The following ARAP2 variants were observed in gnomAD, a reference collection of about 807,000 sequenced individuals.
ARAP2 encodes the protein arf-GAP with Rho-GAP domain, ANK repeat and PH domain-containing protein 2.
Under a neutral mutation model 194.5 loss-of-function variants are expected in ARAP2, and 148 were observed. The observed-to-expected ratio is 0.76, with a 90% CI of 0.67 to 0.87. ARAP2 has a LOEUF of 0.87. Ranked by LOEUF, ARAP2 falls within the 40% of genes least tolerant of loss-of-function variation. ARAP2 has a pLI of 0.00. For synonymous variants in ARAP2, 695 were observed against 683.5 expected (o/e 1.02, Z -0.26); for missense variants, 2,128 against 1,989.7 (o/e 1.07, Z -1.32).
chr4:36,168,739 C>T (rs1319570843), intron 9 of ARAP2, among the ~76,000 whole-genome samples: 1 of 151,970 alleles, frequency 6.6e-6, no homozygotes, highest in Admixed American at 6.6e-5. Context: ...GAGAAACTAG[C>T]CAGAAACTGA....
chr4:36,196,869 T>C (rs992475255), intron 6 of ARAP2, among the ~76,000 whole-genome samples: 11 of 151,620 alleles, frequency 7.3e-5, no homozygotes, highest in African/African-American at 2.7e-4. Flanking sequence ...CCATTGTCTC[T>C]GCTTGGAATG....
At chr4:36,102,220 G>A (rs115823298) in intron 27 of ARAP2, among the ~76,000 whole-genome samples, 1,993 of 151,998 alleles carry the variant, frequency 0.013, 49 homozygotes, top group African/African-American at 0.043. Flanking sequence ...AGCTCAGCAC[G>A]TCCAAAACTG....
intron 11 of ARAP2, among the ~76,000 whole-genome samples, chr4:36,163,531 G>GA (rs201050975): frequency 0.011 from 1,604 of 152,024 alleles, 36 homozygotes; most frequent in African/African-American, 0.037. Context: ...TTAAAGGAAT[G>GA]AAAAAAAACC....
At chr4:36,158,662 A>C (rs1733160112) in intron 15 of ARAP2, 68 bp downstream of exon 15, 1 of 1,351,422 alleles carries the variant, frequency 7.4e-7, no homozygotes, top group Non-Finnish European at 1.0e-6. Context: ...TCAAAATCTA[A>C]ACCTAATTGT....
chr4:36,082,813 CA>C (rs1729876199), intron 29 of ARAP2, among the ~76,000 whole-genome samples: 1 of 152,116 alleles, frequency 6.6e-6, no homozygotes, highest in African/African-American at 2.4e-5. Flanking sequence ...TGGTGTAAAT[CA>C]AATGCTGGGG....
chr4:36,010,218 T>C (rs1279036018), intron 9 of ARAP2, among the ~76,000 whole-genome samples: 1 of 151,238 alleles, frequency 6.6e-6, no homozygotes, highest in African/African-American at 2.4e-5. Flanking sequence ...TTTTATATAT[T>C]GTATATGATA....
At position 36,160,658 on chromosome 4, in the gene ARAP2, A is replaced by AC; in HGVS notation, c.2260-18_2260-17insG. Reference sequence around the variant, plus strand: ...AATAAAAAGCTGAATTGTCAAAAAAAAAACCCCATAATATATCAGTTCATA... The same window carrying AC: ...AATAAAAAGCTGAATTGTCAAAAAAACAAACCCCATAATATATCAGTTCATA... On this transcript the variant is annotated splice_polypyrimidine_tract_variant and intron_variant, in intron 12 of 32. Coordinates refer to ENST00000303965, the MANE Select transcript of ARAP2 (RefSeq NM_015230.4). 10 of 1,441,030 alleles carry AC rather than the reference A, an allele frequency of 6.9e-6. No homozygotes were observed. Among genetic ancestry groups the AC allele is most frequent in the Non-Finnish European group, 9.1e-6 (10 of 1,100,954 alleles). The allele number at this position is 1,441,030 out of a possible 1,614,324, so 89.3% of individuals were successfully genotyped here. A position where few individuals can be genotyped will look rare whatever the true frequency, so the allele number is the denominator to read the frequency against.
Position 36,187,513 on chromosome 4 carries a change from C to G in ARAP2, c.1616G>C (p.Gly539Ala), listed in dbSNP as rs758723129. The change falls in exon 8 of 33, where the codon GGA becomes GCA. Residue 539 changes from glycine to alanine, a missense_variant. Coordinates refer to ENST00000303965, the MANE Select transcript of ARAP2 (RefSeq NM_015230.4). ...LSAISTVRVQ[G>A]DNKFEVVTTQ... ...TGTAACAACTTCAAATTTGTTGTCTCCTTGAACTCGTACTGTTGATATAGC... is the reference window on the plus strand; with the variant it reads ...TGTAACAACTTCAAATTTGTTGTCTGCTTGAACTCGTACTGTTGATATAGC... The G allele has an allele frequency of 1.3e-6, 2 of 1,557,946 alleles. No individual in the cohort carries two copies. Among genetic ancestry groups the G allele is most frequent in the South Asian group, 2.5e-5 (2 of 81,110 alleles).
chr4:36,060,275 C>A (rs370256588), intron 1 of ARAP2, among the ~76,000 whole-genome samples: 1 of 152,208 alleles, frequency 6.6e-6, no homozygotes, highest in South Asian at 2.1e-4. Context: ...GATAGGGCAT[C>A]GTTGCTGGAA....
At position 36,184,914 on chromosome 4, in the gene ARAP2, T is replaced by C. The variant is rs144838117; in HGVS notation, c.1678+2537A>G. On this transcript the variant is annotated intron_variant, in intron 8 of 32. Coordinates refer to ENST00000303965, the MANE Select transcript of ARAP2 (RefSeq NM_015230.4). ...ACTCTGATTTCAAATGGAACTCTCATATCAAGTATCACAACTGTGGACAGT... is the reference window on the plus strand; with the variant it reads ...ACTCTGATTTCAAATGGAACTCTCACATCAAGTATCACAACTGTGGACAGT... Among the ~76,000 whole-genome samples, 826 of 152,348 alleles carry C rather than the reference T, an allele frequency of 5.4e-3. 12 individuals carry two copies. The highest frequency in any genetic ancestry group is 5.2e-3 in the Non-Finnish European group (356 of 68,018).
At chr4:36,220,711 A>C (rs1748951626) in intron 2 of ARAP2, among the ~76,000 whole-genome samples, 1 of 152,066 alleles carries the variant, frequency 6.6e-6, no homozygotes, top group Non-Finnish European at 1.5e-5. Context: ...AAGAGTTGTA[A>C]ATTTTATACC....
intron 9 of ARAP2, among the ~76,000 whole-genome samples, chr4:36,012,022 T>C (rs1714666509): frequency 6.6e-6 from 1 of 152,158 alleles, no homozygotes; most frequent in African/African-American, 2.4e-5. Flanking sequence ...TGTGGAATGA[T>C]CATAAAGGAA....
intron 19 of ARAP2, among the ~76,000 whole-genome samples, chr4:36,140,708 G>A (rs1378891544): frequency 6.6e-6 from 1 of 151,618 alleles, no homozygotes; most frequent in African/African-American, 2.4e-5. Flanking sequence ...TAAACTTAGG[G>A]TGCTAATCTC....
At chr4:36,138,488 C>T (rs1181370747) in intron 19 of ARAP2, among the ~76,000 whole-genome samples, 1 of 151,608 alleles carries the variant, frequency 6.6e-6, no homozygotes, top group Non-Finnish European at 1.5e-5. Flanking sequence ...TTGTGTCTGG[C>T]TTCTTTTATT....
intron 7 of ARAP2, among the ~76,000 whole-genome samples, chr4:36,189,818 T>TGATGTAGTTTATG (rs1304793305): frequency 6.6e-6 from 1 of 152,222 alleles, no homozygotes; most frequent in African/African-American, 2.4e-5. Flanking sequence ...TCTATGTAAC[T>TGATGTAGTTTATG]GTCTTGTAAG....
intron 27 of ARAP2, among the ~76,000 whole-genome samples, chr4:36,102,927 CA>C (rs908964424): frequency 1.7e-4 from 24 of 143,390 alleles, no homozygotes; most frequent in African/African-American, 2.3e-4. Context: ...TCATCAATTT[CA>C]AAAAAAAAAG....
chr4:36,228,306 C>A (rs1393632688), intron 2 of ARAP2, among the ~76,000 whole-genome samples: 1 of 152,040 alleles, frequency 6.6e-6, no homozygotes. Flanking sequence ...GGTGTGGAAA[C>A]TTGGTATGGA....
intron 19 of ARAP2, among the ~76,000 whole-genome samples, chr4:36,134,760 A>ACCCC (rs146799134): frequency 6.7e-6 from 1 of 149,684 alleles, no homozygotes; most frequent in East Asian, 2.0e-4. Context: ...ACACACACAC[A>ACCCC]CCCTCCTGGA....
Position 36,029,245 on chromosome 4 carries a change from T to G in ARAP2, n.608-9959A>C, listed in dbSNP as rs368879704. The stretch of plus-strand genomic sequence containing the variant: ...ATTATGTGTTTCTACTTATTTCTCC[T>G]TATACCTTATATGTCTTCTGCTCTA... On this transcript the variant is annotated intron_variant and non_coding_transcript_variant, in intron 5 of 12. Coordinates refer to the ARAP2 transcript ENST00000503225. Among the ~76,000 whole-genome samples, 12 of 152,110 alleles carry G rather than the reference T, an allele frequency of 7.9e-5. No homozygotes were observed. In the East Asian group the frequency reaches 1.3e-3, roughly 17 times the overall value.
Sources: gnomAD v4.1 joint callset for allele counts (sites outside exome capture counted in the v4.1 genomes callset) on GRCh38, gnomAD v4.1.1 for gene constraint, MANE v1.5 for transcripts, NCBI Gene and HGNC (gene_info 2026-07-23, HGNC 2026-07-21) for gene names.